NAA11: variants seen among roughly 807,000 people sequenced by gnomAD.
NAA11 encodes N-alpha-acetyltransferase 11.
Under a neutral mutation model 16.1 loss-of-function variants are expected in NAA11, and 15 were observed. The ratio of observed to expected loss-of-function variants is 0.93; its 90% CI spans 0.62 to 1.44. NAA11 has a LOEUF of 1.44. Ranked by LOEUF, NAA11 falls within the 40% of genes most tolerant of loss-of-function variation. The pLI, the probability that NAA11 is intolerant of heterozygous loss-of-function variation, is 0.00. For missense variants in NAA11, 298 were observed against 291.3 expected, an observed-to-expected ratio of 1.02 and a Z score of -0.17; for synonymous variants, 122 against 112.4, an observed-to-expected ratio of 1.09 and a Z score of -0.54.
chr4:79,184,744 T>C, the NAA11 span, among the ~76,000 whole-genome samples: 1 of 152,180 alleles, frequency 6.6e-6, no homozygotes. Context: ...ACTTTGGCTG[T>C]GAAAAACGTC....
At chr4:79,292,466 A>G (rs906602772) in intron 2 of NAA11, among the ~76,000 whole-genome samples, 1 of 152,184 alleles carries the variant, frequency 6.6e-6, no homozygotes, top group Non-Finnish European at 1.5e-5. Flanking sequence ...AATAGAGTAA[A>G]CCAGGGGTAG....
the NAA11 span, among the ~76,000 whole-genome samples, chr4:79,160,877 G>T: frequency 6.6e-6 from 1 of 151,752 alleles, no homozygotes. Flanking sequence ...AAAATTTAAG[G>T]AATCCAGAAT....
chr4:79,227,234 T>C (rs1055841891), intron 2 of NAA11: 1 of 152,000 alleles, frequency 6.6e-6, no homozygotes, highest in Admixed American at 6.6e-5. Context: ...ACCTACAGAA[T>C]AGGAGAAAAT....
intron 2 of NAA11, among the ~76,000 whole-genome samples, chr4:79,266,883 A>G (rs975849489): frequency 3.3e-5 from 5 of 152,330 alleles, no homozygotes; most frequent in East Asian, 3.9e-4. Context: ...CACTCTTTCA[A>G]TGAAGAATTT....
chr4:79,219,562 C>A, the NAA11 span, among the ~76,000 whole-genome samples: 1 of 152,096 alleles, frequency 6.6e-6, no homozygotes, highest in Non-Finnish European at 1.5e-5. Context: ...AGCTTGATTT[C>A]CTGTTATTTG....
chr4:79,255,603 T>C lies in NAA11; in HGVS notation c.*123-29333A>G, dbSNP rs554000734. On this transcript the variant is annotated intron_variant and NMD_transcript_variant, in intron 2 of 2. Coordinates refer to the NAA11 transcript ENST00000511542. ...AACAATATTAATCTTTTATTTGGATTGTTTAATTCATTTATATTCAATGTT... is the reference window on the plus strand; with the variant it reads ...AACAATATTAATCTTTTATTTGGATCGTTTAATTCATTTATATTCAATGTT... Among the ~76,000 whole-genome samples, 6 of 152,346 alleles carry C rather than the reference T, an allele frequency of 3.9e-5. No homozygotes were observed. In the East Asian group the frequency reaches 1.2e-3, roughly 29 times the overall value.
the NAA11 span, among the ~76,000 whole-genome samples, chr4:79,182,156 T>C: frequency 0.013 from 1,937 of 152,298 alleles, 41 homozygotes; most frequent in African/African-American, 0.044. Context: ...GTTTTTCCCT[T>C]GCTTCACCAG....
the NAA11 span, among the ~76,000 whole-genome samples, chr4:79,190,520 C>T: frequency 6.6e-6 from 1 of 150,882 alleles, no homozygotes; most frequent in Non-Finnish European, 1.5e-5. Flanking sequence ...AGCCTGATGG[C>T]AGGAATCTGT....
At chr4:79,319,548 G>C (rs1203534967) in intron 1 of NAA11, among the ~76,000 whole-genome samples, 1 of 152,090 alleles carries the variant, frequency 6.6e-6, no homozygotes, top group East Asian at 1.9e-4. Flanking sequence ...AGAGCATAGA[G>C]TACAAAATTT....
chr4:79,309,747 G>A (rs1257376616), intron 1 of NAA11, among the ~76,000 whole-genome samples: 56 of 112,258 alleles, frequency 5.0e-4, no homozygotes, highest in African/African-American at 1.8e-3. Context: ...ATGGAGTCTC[G>A]CTCTGTCGCC....
intron 1 of NAA11, among the ~76,000 whole-genome samples, chr4:79,323,220 T>TAAGGG: frequency 6.6e-6 from 1 of 152,198 alleles, no homozygotes; most frequent in South Asian, 2.1e-4. Flanking sequence ...GATTAAGATG[T>TAAGGG]TAAAGCCTGT....
downstream of NAA11, among the ~76,000 whole-genome samples, chr4:79,220,963 G>A (rs1721177292): frequency 6.6e-6 from 1 of 151,700 alleles, no homozygotes; most frequent in South Asian, 2.1e-4. Context: ...ATTACCTTGG[G>A]CAGTATGGCC....
chr4:79,268,336 A>G (rs1722398270), intron 2 of NAA11, among the ~76,000 whole-genome samples: 2 of 152,196 alleles, frequency 1.3e-5, no homozygotes, highest in African/African-American at 4.8e-5. Context: ...CTCTGATTCC[A>G]TTAGATCTTT....
At chr4:79,227,159 T>G (rs1365673290) in intron 2 of NAA11, 1 of 152,230 alleles carries the variant, frequency 6.6e-6, no homozygotes, top group East Asian at 1.9e-4. Context: ...TGGTTTTGAT[T>G]TGCATTTCTC....
intron 1 of NAA11, among the ~76,000 whole-genome samples, chr4:79,319,082 C>G (rs1724015979): frequency 6.6e-6 from 1 of 152,122 alleles, no homozygotes; most frequent in South Asian, 2.1e-4. Flanking sequence ...TATACACCAC[C>G]ACGCTGGCTA....
At chr4:79,303,687 T>C (rs1213404785) in intron 1 of NAA11, among the ~76,000 whole-genome samples, 1 of 152,208 alleles carries the variant, frequency 6.6e-6, no homozygotes, top group Non-Finnish European at 1.5e-5. Context: ...GAGAAGAATG[T>C]AATTGGTAGT....
intron 2 of NAA11, among the ~76,000 whole-genome samples, chr4:79,259,393 G>T (rs1254714757): frequency 1.3e-5 from 2 of 152,208 alleles, no homozygotes; most frequent in Admixed American, 1.3e-4. Flanking sequence ...CTCACAGAGA[G>T]CTGGCACCCA....
the NAA11 span, among the ~76,000 whole-genome samples, chr4:79,188,859 A>C: frequency 4.6e-5 from 7 of 152,218 alleles, no homozygotes; most frequent in East Asian, 1.4e-3. Context: ...CCAAGACAAA[A>C]TGAATGAAGG....
chr4:79,182,413 G>A, the NAA11 span, among the ~76,000 whole-genome samples: 15 of 152,134 alleles, frequency 9.9e-5, no homozygotes, highest in African/African-American at 3.1e-4. Context: ...GACTAAGTTC[G>A]TTACATGTGA....
Sources: allele counts gnomAD v4.1 joint callset (sites outside exome capture counted in the v4.1 genomes callset), GRCh38; gene constraint gnomAD v4.1.1; transcripts MANE v1.5; gene names NCBI Gene and HGNC (gene_info 2026-07-23, HGNC 2026-07-21).